The following ALG10B variants were observed in gnomAD, a reference collection of about 807,000 sequenced individuals.
The protein encoded by ALG10B is ALG10 alpha-1,2-glucosyltransferase B, also known as dol-P-Glc:Glc(2)Man(9)GlcNAc(2)-PP-Dol alpha-1,2-glucosyltransferase B.
In ALG10B, 27 loss-of-function variants were observed where a neutral mutation model predicts 38.7. The observed-to-expected ratio is 0.70, with a 90% CI of 0.51 to 0.96. The LOEUF (loss-of-function observed/expected upper bound fraction) is 0.96, where lower values mean the gene tolerates loss of function less well. Among genes scored for constraint, ALG10B ranks in the 40% least tolerant of loss-of-function variants. The pLI, the probability that ALG10B is intolerant of heterozygous loss-of-function variation, is 0.00. For missense variants in ALG10B, 522 were observed against 542.7 expected, an observed-to-expected ratio of 0.96 and a Z score of 0.38; for synonymous variants, 177 against 193.3, an observed-to-expected ratio of 0.92 and a Z score of 0.70.
chr12:38,318,286 CTGGCTTGTACCTGG>C lies in ALG10B; in HGVS notation c.200_213del (p.Gly67ValfsTer16). ...TGGGATCCCATGATTACTACATTAC[CTGGCTTGTACCTGG>C]TGTCAGTTGGAGTGGTCAAACCTGC... On this transcript the variant is annotated frameshift_variant, in exon 2 of 3. Transcript: ENST00000308742. LOFTEE classifies it high-confidence loss of function. 6.2e-7 allele frequency: 1 copy of C among 1,614,102 alleles called. No individual in the cohort carries two copies. The highest frequency in any genetic ancestry group is 8.5e-7 in the Non-Finnish European group (1 of 1,179,998).
chr12:38,328,520 T>G lies in ALG10B; in HGVS notation c.*7307T>G, dbSNP rs138572374. On this transcript the variant is annotated 3_prime_UTR_variant, in exon 3 of 3. Coordinates refer to ENST00000308742, the MANE Select transcript of ALG10B (RefSeq NM_001013620.4). The stretch of plus-strand genomic sequence containing the variant: ...TAAGGTGTCCACTAGGTGGAGATAT[T>G]GTGCTACATTTCCAAGTGTTGTAGT... 27 of 152,054 alleles carry G rather than the reference T, an allele frequency of 1.8e-4. No individual in the cohort carries two copies. In the East Asian group the frequency reaches 4.8e-3, roughly 27 times the overall value. 9.4% of individuals were successfully genotyped at this position (152,054 alleles called of 1,614,324 possible).
rs1394744833 is a variant in ALG10B, at chr12:38,320,673, T to C, written c.882T>C (p.Phe294=). 6.2e-7 allele frequency: 1 copy of C among 1,613,806 alleles called. No individual in the cohort carries two copies. Among genetic ancestry groups the C allele is most frequent in the African/African-American group, 1.3e-5 (1 of 74,868 alleles). ...TTCATTTTCCTCAACTATTCTACTT[T>C]TTTTCATTTACTCTCTTTTTTTCTT... ...ACLHFPQLFY[F]FSFTLFFSFP... is the part of the protein sequence containing the mutation. Residue 294 remains phenylalanine (F), a synonymous_variant, in exon 3 of 3, where the codon TTT becomes TTC. Coordinates refer to ENST00000308742, the MANE Select transcript of ALG10B (RefSeq NM_001013620.4).
intron 2 of ALG10B, 90 bp from the exon 3 acceptor site, chr12:38,320,071 T>G: frequency 6.7e-7 from 1 of 1,484,610 alleles, no homozygotes; most frequent in Non-Finnish European, 9.3e-7. Flanking sequence ...TTTGAGTAGT[T>G]GAGTAGTTTT....
At chr12:38,319,327 G>A (rs1945681975) in intron 2 of ALG10B, among the ~76,000 whole-genome samples, 1 of 152,144 alleles carries the variant, frequency 6.6e-6, no homozygotes, top group Admixed American at 6.6e-5. Flanking sequence ...AGGAAGAAAG[G>A]CATTGAACAA....
At chr12:38,320,135 G>T (rs770443036) in intron 2 of ALG10B, 26 bp from the exon 3 acceptor site, 1 of 1,612,396 alleles carries the variant, frequency 6.2e-7, no homozygotes, top group African/African-American at 1.3e-5. Flanking sequence ...TAAAATAATT[G>T]TATCTGTGTT....
In ALG10B at chr12:38,322,465, C is replaced by G. The variant is rs1945712039; in HGVS notation, c.*1252C>G. ...CCTCATATGATTGTTAGGAGACTAC[C>G]TTTAAAAATTTTTTATTATATATCA... On this transcript the variant is annotated 3_prime_UTR_variant, in exon 3 of 3. Transcript: ENST00000308742. 6.6e-6 allele frequency: 1 copy of G among 152,094 alleles called. No homozygotes were observed. The highest frequency in any genetic ancestry group is 6.6e-5 in the Admixed American group (1 of 15,264). 9.4% of individuals were successfully genotyped at this position (152,094 alleles called of 1,614,324 possible).
chr12:38,327,575 C>T lies in ALG10B; in HGVS notation c.*6362C>T, dbSNP rs1591941631. On this transcript the variant is annotated 3_prime_UTR_variant, in exon 3 of 3. Transcript: ENST00000308742. ...AAAGTCCACACTGTCACTAAATGAA[C>T]ATAGATTGGTATGACTCCCAAGCCT... The T allele has an allele frequency of 6.6e-6, 1 of 152,118 alleles. No individual in the cohort carries two copies. 9.4% of individuals were successfully genotyped at this position (152,118 alleles called of 1,614,324 possible).
rs1229394473 is a variant in ALG10B, at chr12:38,326,417, A to G, written c.*5204A>G. On this transcript the variant is annotated 3_prime_UTR_variant, in exon 3 of 3. Transcript: ENST00000308742. ...TAATTACTGTTTATTTAAAATAAGA[A>G]AAACAAATAACTTTCAACCATTAAA... The G allele has an allele frequency of 1.3e-5, 2 of 151,532 alleles. No homozygotes were observed. Among genetic ancestry groups the G allele is most frequent in the Non-Finnish European group, 2.9e-5 (2 of 67,900 alleles). The allele number at this position is 151,532 out of a possible 1,614,324, so 9.4% of individuals were successfully genotyped here.
chr12:38,317,134 C>A, intron 1 of ALG10B, 70 bp downstream of exon 1: 1 of 1,604,930 alleles, frequency 6.2e-7, no homozygotes, highest in Non-Finnish European at 8.5e-7. Flanking sequence ...CTCCTTCTCC[C>A]ATCTTTAGAC....
rs1177149052 is a variant in ALG10B at position 38,320,689 on chromosome 12, T to C, written c.898T>C (p.Phe300Leu). Residue 300 changes from phenylalanine (F) to leucine (L), a missense_variant, in exon 3 of 3, where the codon TTT becomes CTT. By Grantham distance (22) the Phe-to-Leu change is conservative. Coordinates refer to ENST00000308742, the MANE Select transcript of ALG10B (RefSeq NM_001013620.4). The stretch of plus-strand genomic sequence containing the variant: ...ATTCTACTTTTTTTCATTTACTCTC[T>C]TTTTTTCTTTTCCTCATCTCCTGTC... ...QLFYFFSFTLFFSFPHLLSPS... is the reference protein window; with the variant it reads ...QLFYFFSFTLLFSFPHLLSPS... 6.2e-7 allele frequency: 1 copy of C among 1,612,802 alleles called. No individual in the cohort carries two copies. The highest frequency in any genetic ancestry group is 8.5e-7 in the Non-Finnish European group (1 of 1,179,798).
rs1318525418 is a variant in ALG10B at position 38,326,275 on chromosome 12, G to GT, written c.*5064dup. 1.3e-5 allele frequency: 2 copies of GT among 151,506 alleles called. No homozygotes were observed. Among genetic ancestry groups the GT allele is most frequent in the African/African-American group, 4.8e-5 (2 of 41,244 alleles). The allele number at this position is 151,506 out of a possible 1,614,324, so 9.4% of individuals were successfully genotyped here. A position where few individuals can be genotyped will look rare whatever the true frequency, so the allele number is the denominator to read the frequency against. ...TGTATTTTATGTGTGGCCCAAGATGGTTCTTCCAGTGTGGCCCAGGGAAGC... is the reference window on the plus strand; with the variant it reads ...TGTATTTTATGTGTGGCCCAAGATGGTTTCTTCCAGTGTGGCCCAGGGAAGC... On this transcript the variant is annotated 3_prime_UTR_variant, in exon 3 of 3. Coordinates refer to ENST00000308742, the MANE Select transcript of ALG10B (RefSeq NM_001013620.4).
At position 38,322,663 on chromosome 12, in the gene ALG10B, A is replaced by G. The variant is rs1945713412; in HGVS notation, c.*1450A>G. On this transcript the variant is annotated 3_prime_UTR_variant, in exon 3 of 3. Transcript: ENST00000308742. ...TATTGAAATGTACATACAGTGCTTAATTATTAGCTGTATTCACCATGTTGT... is the reference window on the plus strand; with the variant it reads ...TATTGAAATGTACATACAGTGCTTAGTTATTAGCTGTATTCACCATGTTGT... The G allele has an allele frequency of 6.6e-6, 1 of 152,192 alleles. No homozygotes were observed. The highest frequency in any genetic ancestry group is 2.4e-5 in the African/African-American group (1 of 41,452). 9.4% of individuals were successfully genotyped at this position (152,192 alleles called of 1,614,324 possible).
Position 38,323,917 on chromosome 12 carries a change from A to G in ALG10B, c.*2704A>G. ...ATGCAAGGATTTTGTATTTAGGAAT[A>G]CTTCTGAGAGGAGAAGCTTCCACTC... is the stretch of plus-strand genomic sequence containing the variant. On this transcript the variant is annotated 3_prime_UTR_variant, in exon 3 of 3. Transcript: ENST00000308742. 1 of 702,218 alleles carries G rather than the reference A, an allele frequency of 1.4e-6. No individual in the cohort carries two copies. Among genetic ancestry groups the G allele is most frequent in the Non-Finnish European group, 2.6e-6 (1 of 384,814 alleles). 43.5% of individuals were successfully genotyped at this position (702,218 alleles called of 1,614,324 possible).
Position 38,321,932 on chromosome 12 carries a change from T to C in ALG10B, c.*719T>C, listed in dbSNP as rs1178452938. 1 of 152,172 alleles carries C rather than the reference T, an allele frequency of 6.6e-6. No individual in the cohort carries two copies. The highest frequency in any genetic ancestry group is 1.5e-5 in the Non-Finnish European group (1 of 68,014). 9.4% of individuals were successfully genotyped at this position (152,172 alleles called of 1,614,324 possible). ...TGATTATAATCCTTTAAAAGGGGGA[T>C]TTCCTTTATGAAATACATATTGTAT... On this transcript the variant is annotated 3_prime_UTR_variant, in exon 3 of 3. Coordinates refer to ENST00000308742, the MANE Select transcript of ALG10B (RefSeq NM_001013620.4).
chr12:38,317,311 T>A (rs1945664547), intron 1 of ALG10B: 5 of 615,100 alleles, frequency 8.1e-6, no homozygotes, highest in South Asian at 4.4e-5. Context: ...AGTGGGGAAC[T>A]GAGCGCTCCT....
Position 38,325,256 on chromosome 12 carries a change from T to C in ALG10B, c.*4043T>C, listed in dbSNP as rs2120513091. ...GCTGTCTGGCCTTTTCTTTGTCTTC[T>C]TAGAGTTATTTCTGAAATGTGCATA... On this transcript the variant is annotated 3_prime_UTR_variant, in exon 3 of 3. Coordinates refer to ENST00000308742, the MANE Select transcript of ALG10B (RefSeq NM_001013620.4). 1 of 152,330 alleles carries C rather than the reference T, an allele frequency of 6.6e-6. No homozygotes were observed. Among genetic ancestry groups the C allele is most frequent in the East Asian group, 1.9e-4 (1 of 5,190 alleles). 9.4% of individuals were successfully genotyped at this position (152,330 alleles called of 1,614,324 possible).
At position 38,323,816 on chromosome 12, in the gene ALG10B, G is replaced by T. The variant is rs1336935712; in HGVS notation, c.*2603G>T. 2 of 693,610 alleles carry T rather than the reference G, an allele frequency of 2.9e-6. No individual in the cohort carries two copies. Among genetic ancestry groups the T allele is most frequent in the Admixed American group, 2.1e-5 (1 of 48,674 alleles). The allele number at this position is 693,610 out of a possible 1,614,324, so 43.0% of individuals were successfully genotyped here. ...TTTGTCATTAATTTACTATAGTGGA[G>T]AACTAAATCTGGGAAGTCAAAATTG... On this transcript the variant is annotated 3_prime_UTR_variant, in exon 3 of 3. Coordinates refer to ENST00000308742, the MANE Select transcript of ALG10B (RefSeq NM_001013620.4).
Position 38,320,789 on chromosome 12 carries a change from C to G in ALG10B, c.998C>G (p.Ser333Cys). The change falls in exon 3 of 3, where the codon TCT (serine) becomes TGT (cysteine). Residue 333 changes from serine to cysteine, a missense_variant. Coordinates refer to ENST00000308742, the MANE Select transcript of ALG10B (RefSeq NM_001013620.4). The part of the protein sequence containing the change: ...GILFLVVTLV[S>C]VFLVWKFTYA... ...CTGTTTTTGGTGGTTACCTTAGTCT[C>G]TGTGTTTTTAGTTTGGAAATTCACT... 6.2e-7 allele frequency: 1 copy of G among 1,613,804 alleles called. No individual in the cohort carries two copies. The highest frequency in any genetic ancestry group is 8.5e-7 in the Non-Finnish European group (1 of 1,179,928).
rs1313416669 is a variant in ALG10B at position 38,320,529 on chromosome 12, C to T, written c.738C>T (p.Asn246=). Residue 246 remains asparagine (N), a synonymous_variant, in exon 3 of 3, where the codon AAC becomes AAT. Transcript: ENST00000308742. ...TGGCTTATTCCATGTCCTTTAAAAACTTGAGTATGCTTTTCTGTTTGACTT... is the reference window on the plus strand; with the variant it reads ...TGGCTTATTCCATGTCCTTTAAAAATTTGAGTATGCTTTTCTGTTTGACTT... ...FLLAYSMSFK[N]LSMLFCLTWP... 6.2e-7 allele frequency: 1 copy of T among 1,613,958 alleles called. No homozygotes were observed. Among genetic ancestry groups the T allele is most frequent in the African/African-American group, 1.3e-5 (1 of 74,912 alleles).
Sources: allele counts gnomAD v4.1 joint callset (sites outside exome capture counted in the v4.1 genomes callset), GRCh38; gene constraint gnomAD v4.1.1; transcripts MANE v1.5; gene names NCBI Gene and HGNC (gene_info 2026-07-23, HGNC 2026-07-21).